ARHGAP20: variants seen among roughly 807,000 people sequenced by gnomAD.
ARHGAP20 encodes the protein rho GTPase-activating protein 20.
A neutral mutation model predicts 73.7 loss-of-function variants in ARHGAP20; 34 were observed. The ratio of observed to expected loss-of-function variants is 0.46; its 90% CI spans 0.35 to 0.61. The LOEUF is 0.61. Ranked by LOEUF, ARHGAP20 falls within the 20% of genes least tolerant of loss-of-function variation. The pLI is 0.00. For synonymous variants in ARHGAP20, 523 were observed against 518.2 expected (o/e 1.01, Z -0.13); for missense variants, 1,314 against 1,420.9 (o/e 0.92, Z 1.21).
intron 3 of ARHGAP20, among the ~76,000 whole-genome samples, chr11:110,629,865 G>A (rs1948824429): frequency 6.6e-6 from 1 of 152,202 alleles, no homozygotes; most frequent in African/African-American, 2.4e-5. Context: ...GGGCTCTCGT[G>A]AAGGCTTGTA....
intron 2 of ARHGAP20, among the ~76,000 whole-genome samples, chr11:110,666,619 T>C (rs1472436026): frequency 6.6e-6 from 1 of 152,226 alleles, no homozygotes; most frequent in Non-Finnish European, 1.5e-5. Context: ...ATTGAAACTT[T>C]GTGGCAATCC....
rs190131684 is a variant in ARHGAP20 at position 110,670,032 on chromosome 11, C to A, written c.188+20515G>T. On this transcript the variant is annotated intron_variant, in intron 2 of 14. Coordinates refer to ENST00000683387, the MANE Select transcript of ARHGAP20 (RefSeq NM_001384657.1). ...TTCTCAGAAATGCAAACTAACCTAT[C>A]AAGTAGCTCACTGATTGCCTGAGGA... 1.8e-3 allele frequency among the ~76,000 whole-genome samples: 280 copies of A among 152,152 alleles called. 1 individual carries two copies. Among genetic ancestry groups the A allele is most frequent in the African/African-American group, 6.1e-3 (253 of 41,538 alleles).
At chr11:110,661,551 C>T (rs897670457) in intron 2 of ARHGAP20, among the ~76,000 whole-genome samples, 5 of 151,862 alleles carry the variant, frequency 3.3e-5, no homozygotes, top group Non-Finnish European at 7.4e-5. Flanking sequence ...AAAAATTCAA[C>T]ATTTGTTTTT....
intron 2 of ARHGAP20, among the ~76,000 whole-genome samples, chr11:110,660,785 C>CT (rs11429959): frequency 0.018 from 2,790 of 151,364 alleles, 81 homozygotes; most frequent in African/African-American, 0.062. Context: ...TTATGTTGGT[C>CT]TTTTTTTTTC....
chr11:110,681,578 C>T (rs141390909), intron 2 of ARHGAP20, among the ~76,000 whole-genome samples: 77 of 152,286 alleles, frequency 5.1e-4, no homozygotes, highest in African/African-American at 1.8e-3. Context: ...TATAAATGTA[C>T]TTCCTTCATT....
chr11:110,602,914 T>C (rs1157065072), intron 9 of ARHGAP20, among the ~76,000 whole-genome samples: 1 of 152,198 alleles, frequency 6.6e-6, no homozygotes, highest in Non-Finnish European at 1.5e-5. Flanking sequence ...GAGAAAACAA[T>C]AATTCAGTAC....
intron 1 of ARHGAP20, among the ~76,000 whole-genome samples, chr11:110,697,520 G>C: frequency 6.6e-6 from 1 of 151,808 alleles, no homozygotes; most frequent in Non-Finnish European, 1.5e-5. Flanking sequence ...CTCCCATTCT[G>C]TAGGTTGTCT....
chr11:110,699,931 T>C (rs534711189), intron 1 of ARHGAP20, among the ~76,000 whole-genome samples: 164 of 152,128 alleles, frequency 1.1e-3, no homozygotes, highest in African/African-American at 3.6e-3. Context: ...TGTAGAAAAA[T>C]GAAGTTGTAA....
At chr11:110,609,119 T>C (rs991097943) in intron 7 of ARHGAP20, 69 bp from the exon 8 acceptor site, 55 of 1,395,244 alleles carry the variant, frequency 3.9e-5, no homozygotes, top group Non-Finnish European at 5.3e-5. Context: ...GGACACATTT[T>C]TTTTTTTTGG....
At chr11:110,708,828 A>T (rs1168011400) in intron 1 of ARHGAP20, among the ~76,000 whole-genome samples, 1 of 152,172 alleles carries the variant, frequency 6.6e-6, no homozygotes, top group African/African-American at 2.4e-5. Flanking sequence ...GCGTATATAT[A>T]TGTCAAAACT....
chr11:110,687,458 G>A (rs993300905), intron 2 of ARHGAP20, among the ~76,000 whole-genome samples: 16 of 152,156 alleles, frequency 1.1e-4, no homozygotes, highest in African/African-American at 3.6e-4. Flanking sequence ...TTGAAGAAGT[G>A]ATAGGGAGGC....
intron 3 of ARHGAP20, among the ~76,000 whole-genome samples, chr11:110,628,035 T>C (rs1948782073): frequency 6.6e-6 from 1 of 152,204 alleles, no homozygotes; most frequent in Non-Finnish European, 1.5e-5. Context: ...TATAATAATT[T>C]AGTCAAAAGA....
chr11:110,666,140 T>C (rs1949719892), intron 2 of ARHGAP20, among the ~76,000 whole-genome samples: 1 of 151,996 alleles, frequency 6.6e-6, no homozygotes, highest in African/African-American at 2.4e-5. Flanking sequence ...TCAAACAATA[T>C]AAAACACCTA....
chr11:110,681,192 T>C (rs759849263), intron 2 of ARHGAP20, among the ~76,000 whole-genome samples: 3 of 152,214 alleles, frequency 2.0e-5, no homozygotes, highest in Non-Finnish European at 4.4e-5. Flanking sequence ...GTGTTTGACA[T>C]AGAATTTTTC....
chr11:110,577,601 T>G lies in ARHGAP20; in HGVS notation c.*1769A>C. ...GGGGAGTCCCTGCTGACTTTATATA[T>G]TATACCAAAAAAGATGCATATGGAC... On this transcript the variant is annotated 3_prime_UTR_variant, in exon 15 of 15. Transcript: ENST00000683387. The G allele has an allele frequency of 1.0e-6, 1 of 986,456 alleles. No homozygotes were observed. The highest frequency in any genetic ancestry group is 1.2e-6 in the Non-Finnish European group (1 of 830,362). The allele number at this position is 986,456 out of a possible 1,614,324, so 61.1% of individuals were successfully genotyped here.
intron 1 of ARHGAP20, chr11:110,691,043 CAA>C: frequency 2.0e-6 from 3 of 1,478,566 alleles, no homozygotes; most frequent in Non-Finnish European, 2.7e-6. Flanking sequence ...AATTTGGCTT[CAA>C]GAAAAGACAA....
rs563183337 is a variant in ARHGAP20, at chr11:110,605,176, T to A, written c.964+1385A>T. On this transcript the variant is annotated intron_variant, in intron 9 of 14. Coordinates refer to ENST00000683387, the MANE Select transcript of ARHGAP20 (RefSeq NM_001384657.1). ...AATTCAAGTTGCATAAGGAGGAAAG[T>A]AAAGATGGACACGGGGACTAACAGA... 1.1e-4 allele frequency among the ~76,000 whole-genome samples: 17 copies of A among 152,200 alleles called. No homozygotes were observed. The South Asian group carries it at 3.5e-3, about 32-fold the overall frequency.
At chr11:110,695,343 T>C (rs1950315664) in intron 1 of ARHGAP20, among the ~76,000 whole-genome samples, 1 of 151,482 alleles carries the variant, frequency 6.6e-6, no homozygotes, top group Non-Finnish European at 1.5e-5. Context: ...ATCTAGACAC[T>C]GTCAAGATTT....
intron 2 of ARHGAP20, among the ~76,000 whole-genome samples, chr11:110,638,456 G>A (rs919412355): frequency 6.6e-6 from 1 of 152,036 alleles, no homozygotes; most frequent in Non-Finnish European, 1.5e-5. Flanking sequence ...GAGTGAGTGA[G>A]ACCATTAGGA....
Sources: gnomAD v4.1 joint callset for allele counts (sites outside exome capture counted in the v4.1 genomes callset) on GRCh38, gnomAD v4.1.1 for gene constraint, MANE v1.5 for transcripts, NCBI Gene and HGNC (gene_info 2026-07-23, HGNC 2026-07-21) for gene names.